The following DGLUCY variants were observed in gnomAD, a reference collection of about 807,000 sequenced individuals.
DGLUCY encodes the protein D-glutamate cyclase.
In DGLUCY, 58 loss-of-function variants were observed where a neutral mutation model predicts 58.5. The ratio of observed to expected loss-of-function variants is 0.99; its 90% CI spans 0.80 to 1.23. The LOEUF is 1.23. Ranked by LOEUF, DGLUCY falls within the 50% of genes most tolerant of loss-of-function variation. The pLI, the probability that DGLUCY is intolerant of heterozygous loss-of-function variation, is 0.00. For synonymous variants in DGLUCY, 325 were observed against 314.1 expected (o/e 1.03, Z -0.37); for missense variants, 779 against 784.7 (o/e 0.99, Z 0.09).
At chr14:91,211,084 A>G (rs56780683) in intron 12 of DGLUCY, among the ~76,000 whole-genome samples, 33,102 of 152,168 alleles carry the variant, frequency 0.22, 3,899 homozygotes, top group African/African-American at 0.26. Flanking sequence ...AAAATTAAAA[A>G]CACATTACCA....
At position 91,181,322 on chromosome 14, in the gene DGLUCY, C is replaced by A. The variant is rs765951969; in HGVS notation, c.867C>A (p.Tyr289Ter). The A allele has an allele frequency of 6.2e-7, 1 of 1,614,206 alleles. No homozygotes were observed. Among genetic ancestry groups the A allele is most frequent in the East Asian group, 2.2e-5 (1 of 44,888 alleles). ...VHHISQDPLH[Y>*]SIASVSASQK... ...ACATTTCCCAAGATCCTCTGCACTA[C>A]AGCATCGCGTCAGTCTCTGCTTCTC... The change falls in exon 8 of 14, where the codon TAC (tyrosine) becomes TAA (stop). Residue 289 changes from tyrosine (Y) to a stop codon, truncating the protein, a stop_gained. Transcript: ENST00000256324. LOFTEE classifies it high-confidence loss of function.
intron 1 of DGLUCY, among the ~76,000 whole-genome samples, chr14:91,142,035 G>A (rs1566962749): frequency 1.3e-5 from 2 of 151,860 alleles, no homozygotes; most frequent in South Asian, 2.1e-4. Flanking sequence ...TAGTAGAGAC[G>A]AGGTTTCATC....
chr14:91,089,693 TG>T (rs1383685663), intron 1 of DGLUCY, among the ~76,000 whole-genome samples: 3 of 151,830 alleles, frequency 2.0e-5, no homozygotes, highest in African/African-American at 7.3e-5. Flanking sequence ...TAGTGGCGCA[TG>T]CCTATAATCC....
At chr14:91,109,547 G>C (rs1206711416), upstream of DGLUCY, among the ~76,000 whole-genome samples, 1 of 152,146 alleles carries the variant, frequency 6.6e-6, no homozygotes, top group African/African-American at 2.4e-5. Context: ...AGGCTGCAGG[G>C]AACACGGAGG....
intron 8 of DGLUCY, among the ~76,000 whole-genome samples, chr14:91,184,577 T>TG (rs1217191950): frequency 0.018 from 414 of 23,252 alleles, 6 homozygotes; most frequent in African/African-American, 0.047. Flanking sequence ...GAAAGAAAGT[T>TG]GGGGGGGGGG....
At chr14:91,208,521 G>A (rs374084610) in intron 12 of DGLUCY, among the ~76,000 whole-genome samples, 1 of 152,158 alleles carries the variant, frequency 6.6e-6, no homozygotes, top group East Asian at 1.9e-4. Context: ...GGCCGAGGCG[G>A]GCAGATCACT....
chr14:91,090,351 G>A (rs77314340), intron 1 of DGLUCY, among the ~76,000 whole-genome samples: 10,481 of 152,224 alleles, frequency 0.069, 481 homozygotes, highest in Middle Eastern at 0.12. Flanking sequence ...TTGAATGACA[G>A]TGAATTTGCC....
At chr14:91,217,825 T>C (rs931758753) in intron 13 of DGLUCY, among the ~76,000 whole-genome samples, 1 of 152,110 alleles carries the variant, frequency 6.6e-6, no homozygotes, top group African/African-American at 2.4e-5. Context: ...TTACACCCTG[T>C]CTCTTCCCTT....
intron 13 of DGLUCY, among the ~76,000 whole-genome samples, chr14:91,218,103 G>C (rs1473287595): frequency 6.6e-6 from 1 of 152,218 alleles, no homozygotes; most frequent in Non-Finnish European, 1.5e-5. Flanking sequence ...CCAGGGAAGA[G>C]AGATGGGGGA....
In DGLUCY at chr14:91,202,844, C is replaced by CCTT. The variant is rs200033957; in HGVS notation, c.1445-1859_1445-1857dup. On this transcript the variant is annotated intron_variant, in intron 11 of 13. Transcript: ENST00000256324. ...CCGCCCCCTTTGTAGACCCTTGGGCCCTTCTCACGGCCTCAGGAGCCCAGT... is the reference window on the plus strand; with the variant it reads ...CCGCCCCCTTTGTAGACCCTTGGGCCCTTCTTCTCACGGCCTCAGGAGCCCAGT... 1.6e-3 allele frequency among the ~76,000 whole-genome samples: 237 copies of CCTT among 152,268 alleles called. 3 individuals carry two copies. The East Asian group carries it at 0.03, about 19-fold the overall frequency.
rs1280375718 is a variant in DGLUCY, at chr14:91,074,116, T to TACACACACACACACACACACAC, written c.-82+13413_-82+13414insCACACACACACACACACACACA. Reference sequence around the variant, plus strand: ...ACCAAAAAAAAAAAATATATATATATATACACACACACACACACACACACA... The same window carrying TACACACACACACACACACACAC: ...ACCAAAAAAAAAAAATATATATATATACACACACACACACACACACACATACACACACACACACACACACACA... On this transcript the variant is annotated intron_variant, in intron 1 of 4. Coordinates refer to the DGLUCY transcript ENST00000521334. Among the ~76,000 whole-genome samples, 136 of 77,480 alleles carry TACACACACACACACACACACAC rather than the reference T, an allele frequency of 1.8e-3. 1 individual carries two copies. Among genetic ancestry groups the TACACACACACACACACACACAC allele is most frequent in the Admixed American group, 3.2e-3 (19 of 5,906 alleles). The allele number at this position is 77,480 out of a possible 152,430, so 50.8% of individuals were successfully genotyped here. A position where few individuals can be genotyped will look rare whatever the true frequency, so the allele number is the denominator to read the frequency against.
At chr14:91,103,201 G>A (rs1230369837), upstream of DGLUCY, among the ~76,000 whole-genome samples, 1 of 152,088 alleles carries the variant, frequency 6.6e-6, no homozygotes, top group Non-Finnish European at 1.5e-5. Context: ...AGTCACCGAG[G>A]CTTCATCCAC....
intron 1 of DGLUCY, among the ~76,000 whole-genome samples, chr14:91,133,110 A>G (rs569693298): frequency 1.3e-5 from 2 of 152,140 alleles, no homozygotes; most frequent in South Asian, 2.1e-4. Flanking sequence ...CCTGGCCAAC[A>G]TGGTGAAACC....
intron 11 of DGLUCY, among the ~76,000 whole-genome samples, chr14:91,201,408 C>T (rs1321072185): frequency 6.6e-6 from 1 of 152,036 alleles, no homozygotes; most frequent in African/African-American, 2.4e-5. Context: ...AAGCAATTCC[C>T]CTGCCTCAGC....
intron 10 of DGLUCY, among the ~76,000 whole-genome samples, chr14:91,197,692 A>G (rs1335404946): frequency 1.3e-5 from 2 of 152,256 alleles, no homozygotes; most frequent in East Asian, 1.9e-4. Flanking sequence ...AATGTCCTCA[A>G]TGTTCATTCA....
chr14:91,189,253 G>A (rs1365174946), intron 9 of DGLUCY, 83 bp downstream of exon 9: 1 of 1,538,346 alleles, frequency 6.5e-7, no homozygotes, highest in Non-Finnish European at 8.9e-7. Flanking sequence ...CTGCAGTACA[G>A]AGCATTCTCC....
chr14:91,077,037 G>T lies in DGLUCY; in HGVS notation c.-82+16333G>T, dbSNP rs961307855. On this transcript the variant is annotated intron_variant, in intron 1 of 4. Transcript: ENST00000521334. ...AGGTGGAAGGATCACTTGAGCCCAG[G>T]AGTAAGATCAACCTGAGCAACATCG... Among the ~76,000 whole-genome samples the T allele has an allele frequency of 1.3e-5, 2 of 152,242 alleles. 1 individual carries two copies. The highest frequency in any genetic ancestry group is 4.2e-4 in the South Asian group (2 of 4,818).
At chr14:91,123,379 A>G (rs1944737594) in intron 1 of DGLUCY, among the ~76,000 whole-genome samples, 1 of 152,144 alleles carries the variant, frequency 6.6e-6, no homozygotes, top group African/African-American at 2.4e-5. Flanking sequence ...CTGCCCTGGC[A>G]GGCCCTGGCA....
chr14:91,173,420 T>G lies in DGLUCY; in HGVS notation c.588T>G (p.Pro196=). The part of the protein sequence containing the change: ...CCSLGGEQGQ[P]VHMGDPELLG... ...CCCTCGGAGGTGAGCAGGGGCAACC[T>G]GTTCACATGGGCGACCCAGGTCAGT... The change falls in exon 6 of 14, where the codon CCT becomes CCG. Residue 196 remains proline, a synonymous_variant. Transcript: ENST00000256324. 6.2e-7 allele frequency: 1 copy of G among 1,607,240 alleles called. No individual in the cohort carries two copies. The highest frequency in any genetic ancestry group is 2.2e-5 in the East Asian group (1 of 44,832).
Sources: allele counts gnomAD v4.1 joint callset (sites outside exome capture counted in the v4.1 genomes callset), GRCh38; gene constraint gnomAD v4.1.1; transcripts MANE v1.5; gene names NCBI Gene and HGNC (gene_info 2026-07-23, HGNC 2026-07-21).